Variants in MAGI2 observed in about 807,000 individuals in gnomAD.
MAGI2 encodes the protein membrane associated guanylate kinase, WW and PDZ domain containing 2.
MAGI2 carries 35 observed loss-of-function variants against 133.3 expected under a neutral mutation model. That is an observed-to-expected ratio of 0.26 (90% CI 0.20 to 0.35). MAGI2 has a LOEUF of 0.35. MAGI2 is among the 10% of genes least tolerant of loss of function. MAGI2 has a pLI of 1.00. For synonymous variants in MAGI2, 729 were observed against 710.6 expected (o/e 1.03, Z -0.41); for missense variants, 1,636 against 1,863.4 (o/e 0.88, Z 2.25).
chr7:79,107,136 C>G (rs974502782), intron 1 of MAGI2, among the ~76,000 whole-genome samples: 13 of 152,120 alleles, frequency 8.5e-5, no homozygotes, highest in Admixed American at 2.0e-4. Context: ...CTCAAATATC[C>G]AGGTGGGCCC....
intron 2 of MAGI2, among the ~76,000 whole-genome samples, chr7:78,665,136 A>C: frequency 6.6e-6 from 1 of 152,090 alleles, no homozygotes; most frequent in South Asian, 2.1e-4. Context: ...TGAGGGTCAA[A>C]TTTGTATACA....
chr7:78,684,375 T>A (rs1157920357), intron 2 of MAGI2, among the ~76,000 whole-genome samples: 2 of 152,104 alleles, frequency 1.3e-5, no homozygotes, highest in South Asian at 4.1e-4. Context: ...TCACTTGGAA[T>A]GGATAAGCTT....
chr7:79,134,182 C>T (rs1821177719), intron 1 of MAGI2, among the ~76,000 whole-genome samples: 1 of 152,098 alleles, frequency 6.6e-6, no homozygotes, highest in Non-Finnish European at 1.5e-5. Flanking sequence ...TAGGGGTCCT[C>T]TAGGTACCTA....
At chr7:79,204,800 A>G (rs1168420730) in intron 1 of MAGI2, among the ~76,000 whole-genome samples, 1 of 152,020 alleles carries the variant, frequency 6.6e-6, no homozygotes, top group Non-Finnish European at 1.5e-5. Context: ...ATAAATAGAA[A>G]TCCCATAGAT....
Position 78,855,114 on chromosome 7 carries a change from T to C in MAGI2, c.418+151976A>G, listed in dbSNP as rs116260310. Reference sequence around the variant, plus strand: ...AACTTTTACTTAAAAAATATTTTTGTAACAAGGTCTGGTTCTGTCACCCTG... The same window carrying C: ...AACTTTTACTTAAAAAATATTTTTGCAACAAGGTCTGGTTCTGTCACCCTG... On this transcript the variant is annotated intron_variant, in intron 2 of 21. Coordinates refer to ENST00000354212, the MANE Select transcript of MAGI2 (RefSeq NM_012301.4). Among the ~76,000 whole-genome samples the C allele has an allele frequency of 5.8e-3, 889 of 152,178 alleles. 5 individuals are homozygous for C. Among genetic ancestry groups the C allele is most frequent in the African/African-American group, 0.02 (847 of 41,528 alleles).
At chr7:78,823,028 T>A (rs1207806293) in intron 2 of MAGI2, among the ~76,000 whole-genome samples, 4 of 152,246 alleles carry the variant, frequency 2.6e-5, no homozygotes, top group Admixed American at 2.0e-4. Flanking sequence ...CCACCATTCC[T>A]ATTTTGAGGA....
intron 6 of MAGI2, among the ~76,000 whole-genome samples, chr7:78,451,016 A>G (rs1039172552): frequency 6.6e-6 from 1 of 152,120 alleles, no homozygotes; most frequent in Non-Finnish European, 1.5e-5. Context: ...AGGTGGTAGT[A>G]GTAGTAGTGA....
intron 1 of MAGI2, among the ~76,000 whole-genome samples, chr7:79,363,915 A>G: frequency 6.6e-6 from 1 of 152,018 alleles, no homozygotes; most frequent in East Asian, 1.9e-4. Context: ...CATAAAAATT[A>G]AAAATAAACT....
At chr7:78,693,349 C>A (rs1195790603) in intron 2 of MAGI2, among the ~76,000 whole-genome samples, 5 of 152,190 alleles carry the variant, frequency 3.3e-5, no homozygotes, top group South Asian at 2.1e-4. Context: ...TTTCTCTACT[C>A]CCCTTGGGCC....
intron 1 of MAGI2, among the ~76,000 whole-genome samples, chr7:79,444,689 C>T (rs1263020900): frequency 6.6e-6 from 1 of 152,042 alleles, no homozygotes; most frequent in African/African-American, 2.4e-5. Context: ...GAAGAACATT[C>T]CATGCTCATG....
At chr7:78,327,345 T>C (rs1194034124) in intron 9 of MAGI2, among the ~76,000 whole-genome samples, 4 of 152,222 alleles carry the variant, frequency 2.6e-5, no homozygotes, top group Non-Finnish European at 4.4e-5. Flanking sequence ...ACTTCTTTCC[T>C]GTTATGACTG....
chr7:78,804,801 C>T (rs1257034161), intron 2 of MAGI2, among the ~76,000 whole-genome samples: 2 of 146,812 alleles, frequency 1.4e-5, no homozygotes, highest in Non-Finnish European at 3.0e-5. Context: ...GGCACGGTGG[C>T]TCCTGCCTGT....
At chr7:78,462,846 G>C (rs996475315) in intron 6 of MAGI2, among the ~76,000 whole-genome samples, 23 of 152,166 alleles carry the variant, frequency 1.5e-4, no homozygotes, top group Non-Finnish European at 3.1e-4. Context: ...CGTGGTTCCT[G>C]AAAACGTAGT....
chr7:79,391,504 TAGAC>T (rs1281330963), intron 1 of MAGI2, among the ~76,000 whole-genome samples: 2 of 44,050 alleles, frequency 4.5e-5, no homozygotes, highest in Admixed American at 2.5e-4. Context: ...TATATATATA[TAGAC>T]ATATATATAT....
intron 2 of MAGI2, among the ~76,000 whole-genome samples, chr7:78,685,640 C>CTA (rs137856891): frequency 0.39 from 58,520 of 148,736 alleles, 11,478 homozygotes; most frequent in African/African-American, 0.44. Flanking sequence ...TATACGTAAC[C>CTA]TATATATATA....
At chr7:78,995,057 AAAAAT>A (rs1423379787) in intron 2 of MAGI2, among the ~76,000 whole-genome samples, 3 of 152,128 alleles carry the variant, frequency 2.0e-5, no homozygotes, top group Non-Finnish European at 4.4e-5. Flanking sequence ...AGAAAGTTAA[AAAAAT>A]AAAATAAAAG....
intron 20 of MAGI2, among the ~76,000 whole-genome samples, chr7:78,123,395 T>C (rs1302834792): frequency 6.6e-6 from 1 of 152,136 alleles, no homozygotes; most frequent in Non-Finnish European, 1.5e-5. Context: ...TATATATATC[T>C]ATGATAAAGT....
At chr7:78,467,562 G>C (rs1334728161) in intron 6 of MAGI2, among the ~76,000 whole-genome samples, 3 of 151,590 alleles carry the variant, frequency 2.0e-5, no homozygotes, top group African/African-American at 7.3e-5. Context: ...GGTATTATTG[G>C]CAGAGTGATA....
chr7:79,440,777 C>G (rs944175545), intron 1 of MAGI2, among the ~76,000 whole-genome samples: 2 of 152,020 alleles, frequency 1.3e-5, no homozygotes, highest in African/African-American at 4.8e-5. Flanking sequence ...ATTATTATCT[C>G]TATAACAAGG....
Sources: allele counts gnomAD v4.1 joint callset (sites outside exome capture counted in the v4.1 genomes callset), GRCh38; gene constraint gnomAD v4.1.1; transcripts MANE v1.5; gene names NCBI Gene and HGNC (gene_info 2026-07-23, HGNC 2026-07-21).